The following RAPGEF5 variants were observed in gnomAD, a reference collection of about 807,000 sequenced individuals.
RAPGEF5 encodes the protein M-Ras-regulated GEF.
A neutral mutation model predicts 125.2 loss-of-function variants in RAPGEF5; 65 were observed. That is an observed-to-expected ratio of 0.52 (90% CI 0.43 to 0.64). The LOEUF (loss-of-function observed/expected upper bound fraction) is 0.64, where lower values mean the gene tolerates loss of function less well. Among genes scored for constraint, RAPGEF5 ranks in the 30% least tolerant of loss-of-function variants. The pLI is 0.00. For synonymous variants in RAPGEF5, 391 were observed against 385.9 expected (o/e 1.01, Z -0.16); for missense variants, 958 against 1,048.1 (o/e 0.91, Z 1.19).
At chr7:22,238,937 A>G (rs1272138825) in intron 7 of RAPGEF5, among the ~76,000 whole-genome samples, 1 of 152,256 alleles carries the variant, frequency 6.6e-6, no homozygotes, top group African/African-American at 2.4e-5. Flanking sequence ...TAAAGATTAA[A>G]TAGCCTAAAA....
chr7:22,181,532 C>T (rs1009108598), intron 11 of RAPGEF5, among the ~76,000 whole-genome samples: 20 of 149,358 alleles, frequency 1.3e-4, no homozygotes, highest in South Asian at 4.3e-4. Flanking sequence ...CAGACAAGAA[C>T]GCCAAGTCCA....
At chr7:22,295,709 C>T (rs913214007) in intron 5 of RAPGEF5, among the ~76,000 whole-genome samples, 8 of 151,810 alleles carry the variant, frequency 5.3e-5, no homozygotes, top group East Asian at 1.9e-4. Context: ...TGTTCACTTA[C>T]GATGCCAATA....
intron 18 of RAPGEF5, among the ~76,000 whole-genome samples, chr7:22,150,074 CTTTTTTT>C (rs71550462): frequency 1.3e-5 from 1 of 76,282 alleles, no homozygotes; most frequent in African/African-American, 5.1e-5. Context: ...ACGTGTGTTC[CTTTTTTT>C]TTTTTTTTTT....
intron 20 of RAPGEF5, among the ~76,000 whole-genome samples, chr7:22,142,091 G>C (rs2128104138): frequency 6.6e-6 from 1 of 152,298 alleles, no homozygotes; most frequent in East Asian, 1.9e-4. Context: ...AGCCTCCTCT[G>C]TAGAGGCTCT....
In RAPGEF5 at chr7:22,315,017, A is replaced by C. The variant is rs192352934; in HGVS notation, c.389+353T>G. Among the ~76,000 whole-genome samples the C allele has an allele frequency of 2.0e-5, 3 of 152,258 alleles. No individual in the cohort carries two copies. The East Asian group carries it at 5.8e-4, about 29-fold the overall frequency. ...CCCAAGACATCCTTTCAGGGCCTCA[A>C]TAAGGCCCCTAAAGAGGGGATCTAT... is the stretch of plus-strand genomic sequence containing the variant. On this transcript the variant is annotated intron_variant, in intron 3 of 25. Transcript: ENST00000665637.
At chr7:22,270,420 T>C (rs190778336) in intron 6 of RAPGEF5, among the ~76,000 whole-genome samples, 5 of 152,352 alleles carry the variant, frequency 3.3e-5, no homozygotes, top group Non-Finnish European at 5.9e-5. Context: ...GAGTCTTTTA[T>C]AAGACAATGA....
intron 5 of RAPGEF5, among the ~76,000 whole-genome samples, chr7:22,301,322 A>C (rs1783193749): frequency 1.3e-5 from 2 of 152,190 alleles, no homozygotes; most frequent in Non-Finnish European, 2.9e-5. Flanking sequence ...GCAGCAAAAA[A>C]ATTAAGAGTA....
intron 16 of RAPGEF5, 86 bp from the exon 17 acceptor site, chr7:22,154,690 T>G: frequency 1.4e-6 from 2 of 1,471,774 alleles, no homozygotes; most frequent in Non-Finnish European, 1.8e-6. Flanking sequence ...CTTGATCAAC[T>G]TTTCTAAATC....
At chr7:22,173,800 T>C (rs1030743732) in intron 11 of RAPGEF5, among the ~76,000 whole-genome samples, 3 of 151,878 alleles carry the variant, frequency 2.0e-5, no homozygotes, top group African/African-American at 7.3e-5. Flanking sequence ...AGGGTGCAGG[T>C]CACCCTGGGA....
At chr7:22,236,468 G>A (rs1002067652) in intron 7 of RAPGEF5, among the ~76,000 whole-genome samples, 2 of 152,148 alleles carry the variant, frequency 1.3e-5, no homozygotes, top group African/African-American at 4.8e-5. Context: ...GTGAGGACAC[G>A]AAGGTCTGAA....
At chr7:22,177,521 C>T (rs961790572) in intron 11 of RAPGEF5, among the ~76,000 whole-genome samples, 5 of 152,218 alleles carry the variant, frequency 3.3e-5, no homozygotes, top group African/African-American at 7.2e-5. Context: ...AAAATGATAG[C>T]GGCCTCGCTA....
chr7:22,276,075 T>A (rs1782548357), intron 6 of RAPGEF5, among the ~76,000 whole-genome samples: 2 of 152,248 alleles, frequency 1.3e-5, no homozygotes, highest in South Asian at 4.1e-4. Context: ...AATTTCCTGA[T>A]AAATAAAAAT....
chr7:22,160,752 A>G, intron 13 of RAPGEF5, 137 bp from the exon 14 acceptor site: 1 of 1,050,516 alleles, frequency 9.5e-7, no homozygotes, highest in Non-Finnish European at 1.3e-6. Context: ...GGTGCCAATG[A>G]GATCCAGAAT....
chr7:22,315,562 TA>T (rs2128154452), intron 2 of RAPGEF5, 86 bp from the exon 3 acceptor site: 5 of 607,880 alleles, frequency 8.2e-6, no homozygotes, highest in Non-Finnish European at 8.4e-6. Flanking sequence ...TATATATATA[TA>T]TATATTTATA....
intron 7 of RAPGEF5, among the ~76,000 whole-genome samples, chr7:22,242,916 C>T (rs1400191734): frequency 1.5e-5 from 2 of 131,316 alleles, no homozygotes; most frequent in African/African-American, 5.8e-5. Flanking sequence ...CATTGCACTC[C>T]AACCTAGGCA....
chr7:22,227,590 G>A (rs13226010), intron 8 of RAPGEF5, among the ~76,000 whole-genome samples: 12,458 of 152,128 alleles, frequency 0.082, 766 homozygotes, highest in East Asian at 0.35. Context: ...CTGTAATCTC[G>A]GTACCTGGGG....
chr7:22,271,170 T>C (rs565026978), intron 6 of RAPGEF5, among the ~76,000 whole-genome samples: 2 of 152,186 alleles, frequency 1.3e-5, no homozygotes, highest in East Asian at 3.9e-4. Flanking sequence ...ATTAGAATCA[T>C]TTGGAGAGGT....
chr7:22,264,937 A>G (rs1419490090), intron 7 of RAPGEF5, among the ~76,000 whole-genome samples: 1 of 152,222 alleles, frequency 6.6e-6, no homozygotes, highest in South Asian at 2.1e-4. Context: ...GATCAGCTCC[A>G]GCAAAATTTA....
chr7:22,340,927 C>G (rs1784116092), intron 1 of RAPGEF5, among the ~76,000 whole-genome samples: 2 of 152,280 alleles, frequency 1.3e-5, no homozygotes, highest in Admixed American at 6.5e-5. Flanking sequence ...GGAGCAAAAC[C>G]AAAGGGTTCA....
Sources: gnomAD v4.1 joint callset for allele counts (sites outside exome capture counted in the v4.1 genomes callset) on GRCh38, gnomAD v4.1.1 for gene constraint, MANE v1.5 for transcripts, NCBI Gene and HGNC (gene_info 2026-07-23, HGNC 2026-07-21) for gene names.